The following PRPF6 variants were observed in gnomAD, a reference collection of about 807,000 sequenced individuals.
PRPF6 encodes pre-mRNA-processing factor 6.
Under a neutral mutation model 118.3 loss-of-function variants are expected in PRPF6, and 42 were observed. The ratio of observed to expected loss-of-function variants is 0.35; its 90% CI spans 0.28 to 0.46. The LOEUF is 0.46. PRPF6 is among the 20% of genes least tolerant of loss of function. The pLI is 1.00. For missense variants in PRPF6, 662 were observed against 1,255.7 expected, an observed-to-expected ratio of 0.53 and a Z score of 7.15; for synonymous variants, 481 against 485.1, an observed-to-expected ratio of 0.99 and a Z score of 0.11.
At chr20:63,988,868 C>CAAA (rs906923186) in intron 3 of PRPF6, among the ~76,000 whole-genome samples, 3 of 97,208 alleles carry the variant, frequency 3.1e-5, no homozygotes, top group Non-Finnish European at 6.5e-5. Flanking sequence ...GACTCCGTCT[C>CAAA]AAAAAAAAAA....
rs2059306119 is a variant in PRPF6 at position 64,029,622 on chromosome 20, C to T, written c.2546+131C>T. 1.3e-6 allele frequency: 1 copy of T among 797,820 alleles called. No homozygotes were observed. Among genetic ancestry groups the T allele is most frequent in the Non-Finnish European group, 2.1e-6 (1 of 480,996 alleles). 49.4% of individuals were successfully genotyped at this position (797,820 alleles called of 1,614,324 possible). ...GGTGGGCTTCCCCGATCCTCGGCTG[C>T]CGTCGCTCCTGCTGTGGTCTGGGGC... On this transcript the variant is annotated intron_variant, in intron 19 of 20. Transcript: ENST00000266079. The surrounding 1 kb of genome is among the most constrained non-coding windows in gnomAD (Gnocchi z 4.8).
Position 64,029,309 on chromosome 20 carries a change from T to C in PRPF6, c.2432-68T>C. On this transcript the variant is annotated intron_variant, in intron 18 of 20. Transcript: ENST00000266079. The surrounding 1 kb of genome is among the most constrained non-coding windows in gnomAD (Gnocchi z 4.8). ...TGAGGACGTCCCGGGTTAGAATCTG[T>C]AGGCTGGGCACCTTTCCGGAACCAG... The C allele has an allele frequency of 6.3e-6, 9 of 1,423,772 alleles. No individual in the cohort carries two copies. In the South Asian group the frequency reaches 9.2e-5, roughly 14 times the overall value. 88.2% of individuals were successfully genotyped at this position (1,423,772 alleles called of 1,614,324 possible).
At chr20:64,032,569 G>C (rs910477175) in intron 20 of PRPF6, among the ~76,000 whole-genome samples, 1 of 152,364 alleles carries the variant, frequency 6.6e-6, no homozygotes, top group East Asian at 1.9e-4. Context: ...GCAGACGTGA[G>C]CACTTGTGTG....
chr20:63,991,872 G>A (rs1268132582), intron 3 of PRPF6, among the ~76,000 whole-genome samples: 1 of 152,152 alleles, frequency 6.6e-6, no homozygotes, highest in Admixed American at 6.6e-5. Context: ...GAACAGTACT[G>A]TGAATACCAT....
intron 9 of PRPF6, among the ~76,000 whole-genome samples, chr20:64,004,135 C>T (rs577901652): frequency 1.3e-5 from 2 of 152,344 alleles, no homozygotes; most frequent in Admixed American, 1.3e-4. Flanking sequence ...ACCAGATTGT[C>T]TGGGTTCATT....
In PRPF6 at chr20:63,981,173, CTAGA is replaced by C; in HGVS notation, c.-72_-69del. 6.7e-7 allele frequency: 1 copy of C among 1,485,594 alleles called. No individual in the cohort carries two copies. Among genetic ancestry groups the C allele is most frequent in the Non-Finnish European group, 9.2e-7 (1 of 1,086,092 alleles). 92.0% of individuals were successfully genotyped at this position (1,485,594 alleles called of 1,614,324 possible). A position where few individuals can be genotyped will look rare whatever the true frequency, so the allele number is the denominator to read the frequency against. ...TACGGAGTGCATCGGACGTCGAAGC[CTAGA>C]GTCTCTGCGTCTTTCCCTCTTCCGC... On this transcript the variant is annotated 5_prime_UTR_variant, in exon 1 of 21. Transcript: ENST00000266079.
intron 12 of PRPF6, among the ~76,000 whole-genome samples, chr20:64,020,872 C>T (rs2059259585): frequency 6.6e-6 from 1 of 152,022 alleles, no homozygotes; most frequent in East Asian, 1.9e-4. Context: ...CTGCAACCTC[C>T]GCCTCCTGGG....
chr20:64,003,529 C>G (rs1342151671), intron 9 of PRPF6, among the ~76,000 whole-genome samples: 1 of 152,222 alleles, frequency 6.6e-6, no homozygotes, highest in African/African-American at 2.4e-5. Flanking sequence ...TGTGAACGTG[C>G]TTTCCTCTGT....
chr20:64,026,096 C>T lies in PRPF6; in HGVS notation c.2028+38C>T. 1 of 1,597,696 alleles carries T rather than the reference C, an allele frequency of 6.3e-7. No individual in the cohort carries two copies. The highest frequency in any genetic ancestry group is 8.5e-7 in the Non-Finnish European group (1 of 1,179,316). ...AGGCAGGGCTGGGCCGTCTGGGGTG[C>T]ATGGTGTGCACATGCGGGCCCCACG... On this transcript the variant is annotated intron_variant, in intron 15 of 20. Coordinates refer to ENST00000266079, the MANE Select transcript of PRPF6 (RefSeq NM_012469.4). The surrounding 1 kb of genome is among the most constrained non-coding windows in gnomAD (Gnocchi z 4.4).
rs752210391 is a variant in PRPF6 at position 64,026,498 on chromosome 20, CTG to C, written c.2028+442_2028+443del. On this transcript the variant is annotated intron_variant, in intron 15 of 20. Transcript: ENST00000266079. This position sits in a 1 kb window ranked among gnomAD's most constrained non-coding sequence, Gnocchi z 4.4. ...TCCAGCCTGGGCAGCAAGAGGGAAA[CTG>C]TCTCAGCAACAACAACAACAACAAA... 3.7e-4 allele frequency among the ~76,000 whole-genome samples: 54 copies of C among 145,062 alleles called. No individual in the cohort carries two copies. Among genetic ancestry groups the C allele is most frequent in the Non-Finnish European group, 6.9e-4 (46 of 66,378 alleles).
intron 19 of PRPF6, among the ~76,000 whole-genome samples, chr20:64,030,575 C>T (rs377481669): frequency 1.2e-3 from 177 of 152,318 alleles, no homozygotes; most frequent in African/African-American, 4.2e-3. Context: ...AGGCTTGTGT[C>T]TGCCTGGTGC....
At chr20:64,013,990 AT>A (rs1478081737) in intron 11 of PRPF6, among the ~76,000 whole-genome samples, 3 of 151,158 alleles carry the variant, frequency 2.0e-5, no homozygotes, top group Non-Finnish European at 4.4e-5. Flanking sequence ...GCTGGAGTGT[AT>A]GGTGCAATCA....
Position 63,995,487 on chromosome 20 carries a change from G to A in PRPF6, c.771+5G>A. On this transcript the variant is annotated splice_donor_5th_base_variant and intron_variant, in intron 6 of 20. Coordinates refer to ENST00000266079, the MANE Select transcript of PRPF6 (RefSeq NM_012469.4). ...ATGGACATGAGGCTGAGCCAGGTGA[G>A]TTTGTCACACAGCATTTTCCTGTGG... is the stretch of plus-strand genomic sequence containing the variant. The A allele has an allele frequency of 6.2e-7, 1 of 1,614,044 alleles. No homozygotes were observed. Among genetic ancestry groups the A allele is most frequent in the East Asian group, 2.2e-5 (1 of 44,890 alleles).
chr20:64,003,762 A>G (rs1172321397), intron 9 of PRPF6, among the ~76,000 whole-genome samples: 1 of 151,314 alleles, frequency 6.6e-6, no homozygotes, highest in Non-Finnish European at 1.5e-5. Context: ...GGCCTGGCTA[A>G]TTTTTTTTTG....
Position 64,029,894 on chromosome 20 carries a change from C to T in PRPF6, c.2546+403C>T, listed in dbSNP as rs2059307724. 6.6e-6 allele frequency among the ~76,000 whole-genome samples: 1 copy of T among 150,794 alleles called. No homozygotes were observed. Among genetic ancestry groups the T allele is most frequent in the African/African-American group, 2.4e-5 (1 of 40,880 alleles). On this transcript the variant is annotated intron_variant, in intron 19 of 20. Coordinates refer to ENST00000266079, the MANE Select transcript of PRPF6 (RefSeq NM_012469.4). The surrounding 1 kb of genome is among the most constrained non-coding windows in gnomAD (Gnocchi z 4.8). ...GTGATTCACACTGGTGCGCTGGCCGCCGGGTCAGAGACTCACTGGGGACAC... is the reference window on the plus strand; with the variant it reads ...GTGATTCACACTGGTGCGCTGGCCGTCGGGTCAGAGACTCACTGGGGACAC...
chr20:63,987,998 C>T (rs985982392), intron 3 of PRPF6, among the ~76,000 whole-genome samples: 1 of 151,974 alleles, frequency 6.6e-6, no homozygotes, highest in South Asian at 2.1e-4. Flanking sequence ...GCCTGACCAA[C>T]GTGGTGAAAC....
At chr20:64,018,473 C>T (rs982395707) in intron 12 of PRPF6, among the ~76,000 whole-genome samples, 4 of 152,078 alleles carry the variant, frequency 2.6e-5, no homozygotes, top group Non-Finnish European at 4.4e-5. Flanking sequence ...CCGTCTGGTG[C>T]GGGCAGTGGC....
chr20:63,992,792 G>C (rs1206293829), intron 3 of PRPF6, among the ~76,000 whole-genome samples: 1 of 151,896 alleles, frequency 6.6e-6, no homozygotes, highest in Non-Finnish European at 1.5e-5. Context: ...GGAGTGCAGT[G>C]GTGCGATCTT....
chr20:64,029,438 G>A lies in PRPF6; in HGVS notation c.2493G>A (p.Val831=). 1.2e-6 allele frequency: 2 copies of A among 1,614,210 alleles called. No individual in the cohort carries two copies. The highest frequency in any genetic ancestry group is 1.7e-6 in the Non-Finnish European group (2 of 1,180,042). The part of the protein sequence containing the change: ...EARPQRRTKS[V]DALKKCEHDP... ...GGCCCCAGAGGAGGACCAAGAGCGT[G>A]GATGCCCTGAAGAAGTGTGAGCATG... The change falls in exon 19 of 21, where the codon GTG becomes GTA. Residue 831 remains valine, a synonymous_variant. Transcript: ENST00000266079. This position sits in a 1 kb window ranked among gnomAD's most constrained non-coding sequence, Gnocchi z 4.8.
Sources: gnomAD v4.1 joint callset for allele counts (sites outside exome capture counted in the v4.1 genomes callset) on GRCh38, gnomAD v4.1.1 for gene constraint, Gnocchi (gnomAD v3.1) non-coding constraint, MANE v1.5 for transcripts, NCBI Gene and HGNC (gene_info 2026-07-23, HGNC 2026-07-21) for gene names.